SLCO5A1: variants seen among roughly 807,000 people sequenced by gnomAD.
SLCO5A1 encodes organic anion transporter polypeptide-related protein 4.
In SLCO5A1, 39 loss-of-function variants were observed where a neutral mutation model predicts 65.1. That is an observed-to-expected ratio of 0.60 (90% CI 0.46 to 0.78). The LOEUF is 0.78. SLCO5A1 is among the 30% of genes least tolerant of loss of function. The probability of loss-of-function intolerance (pLI) is 0.00; values close to 1 mark genes in which losing one functional copy is unlikely to be tolerated. For synonymous variants in SLCO5A1, 438 were observed against 415.7 expected, an observed-to-expected ratio of 1.05 and a Z score of -0.65; for missense variants, 1,029 against 1,069.4, an observed-to-expected ratio of 0.96 and a Z score of 0.53.
chr8:69,827,678 C>G (rs367593839), intron 2 of SLCO5A1, among the ~76,000 whole-genome samples: 1 of 151,762 alleles, frequency 6.6e-6, no homozygotes, highest in Non-Finnish European at 1.5e-5. Flanking sequence ...GGGTGGGTGG[C>G]AAAAAATGTA....
intron 2 of SLCO5A1, among the ~76,000 whole-genome samples, chr8:69,815,534 T>C (rs913027209): frequency 1.3e-4 from 20 of 152,130 alleles, no homozygotes; most frequent in Non-Finnish European, 1.3e-4. Context: ...AGTTACTTCA[T>C]TGATGAGCTC....
intron 4 of SLCO5A1, among the ~76,000 whole-genome samples, chr8:69,747,271 A>C (rs1162679802): frequency 2.0e-5 from 3 of 152,158 alleles, no homozygotes; most frequent in Admixed American, 6.5e-5. Flanking sequence ...CCATGGGTGC[A>C]AATTATTGAA....
chr8:69,703,985 G>A (rs371998683), intron 6 of SLCO5A1, among the ~76,000 whole-genome samples: 12 of 152,262 alleles, frequency 7.9e-5, no homozygotes, highest in African/African-American at 2.4e-4. Flanking sequence ...GTTCAGGGTC[G>A]ACAAGTTGGT....
At chr8:69,776,760 G>A in intron 2 of SLCO5A1, among the ~76,000 whole-genome samples, 1 of 151,956 alleles carries the variant, frequency 6.6e-6, no homozygotes, top group Non-Finnish European at 1.5e-5. Flanking sequence ...TTCTGAACAG[G>A]CACTTTACCA....
At chr8:69,733,945 C>T (rs1367010213) in intron 5 of SLCO5A1, among the ~76,000 whole-genome samples, 1 of 152,192 alleles carries the variant, frequency 6.6e-6, no homozygotes, top group East Asian at 1.9e-4. Flanking sequence ...TAATATTTAA[C>T]TACTTTCAAG....
intron 4 of SLCO5A1, among the ~76,000 whole-genome samples, chr8:69,751,933 A>G (rs1416141318): frequency 6.6e-6 from 1 of 152,064 alleles, no homozygotes; most frequent in African/African-American, 2.4e-5. Flanking sequence ...TTTCAAATAT[A>G]AAGTAAAGAC....
chr8:69,832,351 G>A lies in SLCO5A1; in HGVS notation c.323C>T (p.Ser108Phe). 1 of 1,614,058 alleles carries A rather than the reference G, an allele frequency of 6.2e-7. No individual in the cohort carries two copies. The highest frequency in any genetic ancestry group is 8.5e-7 in the Non-Finnish European group (1 of 1,179,982). ...CTCCTGGAGCATGGCCAAGGCGGAG[G>A]ACACCGAGAAGGTTTTGCTGAGGTC... is the stretch of plus-strand genomic sequence containing the variant. ...RVDLSKTFSV[S>F]SALAMLQERR... The change falls in exon 2 of 10, where the codon TCC becomes TTC. Residue 108 changes from serine (S) to phenylalanine (F), a missense_variant. This residue lies in a region of SLCO5A1 where 647 missense variants were observed against 647.5 expected (regional missense o/e 1.00). Coordinates refer to ENST00000260126, the MANE Select transcript of SLCO5A1 (RefSeq NM_030958.3). The surrounding 1 kb of genome is among the most constrained non-coding windows in gnomAD (Gnocchi z 4.5).
chr8:69,740,467 CAGAT>C (rs1347586265), intron 4 of SLCO5A1, among the ~76,000 whole-genome samples: 7 of 152,104 alleles, frequency 4.6e-5, no homozygotes, highest in African/African-American at 1.4e-4. Context: ...TTCAGATAGA[CAGAT>C]AGATAAATAG....
chr8:69,832,618 G>T lies in SLCO5A1; in HGVS notation c.56C>A (p.Ala19Asp). 1 of 1,610,662 alleles carries T rather than the reference G, an allele frequency of 6.2e-7. No individual in the cohort carries two copies. The highest frequency in any genetic ancestry group is 8.5e-7 in the Non-Finnish European group (1 of 1,179,942). Residue 19 changes from alanine (A) to aspartate (D), a missense_variant, in exon 2 of 10, where the codon GCC (alanine) becomes GAC (aspartate). Ala to Asp is a moderately radical substitution (Grantham distance 126). Transcript: ENST00000260126. The surrounding 1 kb of genome is among the most constrained non-coding windows in gnomAD (Gnocchi z 4.5). Reference sequence around the variant, plus strand: ...CCTCTCTTGGACAGCTTCTGCAGTGGCCGGCGCCTCCAGCTGCTCTCCCGC... The same window carrying T: ...CCTCTCTTGGACAGCTTCTGCAGTGTCCGGCGCCTCCAGCTGCTCTCCCGC... Reference protein sequence around the residue: ...PGAGEQLEAPATAEAVQERCE... With the variant: ...PGAGEQLEAPDTAEAVQERCE...
Position 69,831,774 on chromosome 8 carries a change from C to G in SLCO5A1, c.900G>C (p.Leu300Phe). ...AGAACAGGAAAGTCTTACCTAGGTA[C>G]AAGGAGGAGTTTTCTTTCTTGACAT... The part of the protein sequence containing the change: ...DDNVKKENSS[L>F]YLAIMYVMGA... Residue 300 changes from leucine (L) to phenylalanine (F), a missense_variant, in exon 2 of 10, where the codon TTG becomes TTC. Leu to Phe is a conservative substitution (Grantham distance 22). This residue lies in a region of SLCO5A1 where 647 missense variants were observed against 647.5 expected (regional missense o/e 1.00). Coordinates refer to ENST00000260126, the MANE Select transcript of SLCO5A1 (RefSeq NM_030958.3). 1.2e-6 allele frequency: 2 copies of G among 1,613,732 alleles called. No individual in the cohort carries two copies. The highest frequency in any genetic ancestry group is 1.7e-5 in the Admixed American group (1 of 59,922).
Position 69,832,305 on chromosome 8 carries a change from G to T in SLCO5A1, c.369C>A (p.Val123=). The T allele has an allele frequency of 1.2e-6, 2 of 1,614,222 alleles. No homozygotes were observed. The highest frequency in any genetic ancestry group is 1.1e-5 in the South Asian group (1 of 91,086). Residue 123 remains valine (V), a synonymous_variant, in exon 2 of 10, where the codon GTC becomes GTA. Coordinates refer to ENST00000260126, the MANE Select transcript of SLCO5A1 (RefSeq NM_030958.3). This position sits in a 1 kb window ranked among gnomAD's most constrained non-coding sequence, Gnocchi z 4.5. ...MLQERRCLYV[V]LTDSRCFLVC... ...CCAGGAAGCAACGGGAATCCGTGAG[G>T]ACCACGTAGAGGCACCTTCTCTCCT...
intron 8 of SLCO5A1, 137 bp from the exon 9 acceptor site, chr8:69,676,810 C>A: frequency 1.7e-6 from 1 of 598,438 alleles, no homozygotes; most frequent in Non-Finnish European, 2.9e-6. Context: ...TATTTACTAA[C>A]AATAGCCACA....
chr8:69,803,494 C>T (rs1019391020), intron 2 of SLCO5A1, among the ~76,000 whole-genome samples: 2 of 152,060 alleles, frequency 1.3e-5, no homozygotes, highest in African/African-American at 4.8e-5. Flanking sequence ...AGGAGAATCG[C>T]TTGTGAGCTG....
chr8:69,793,777 CTAAATAAATAAATAAATAAA>C (rs71556785), intron 2 of SLCO5A1, among the ~76,000 whole-genome samples: 13 of 141,798 alleles, frequency 9.2e-5, no homozygotes, highest in Admixed American at 2.1e-4. Flanking sequence ...GACTCTGTCT[CTAAATAAATAAATAAATAAA>C]TAAATAAATA....
chr8:69,830,000 A>C (rs1821091080), intron 2 of SLCO5A1, among the ~76,000 whole-genome samples: 1 of 152,192 alleles, frequency 6.6e-6, no homozygotes, highest in South Asian at 2.1e-4. Flanking sequence ...TATTGTTTCA[A>C]CTTTTCTGTA....
chr8:69,717,405 A>T lies in SLCO5A1; in HGVS notation c.1424-12176T>A, dbSNP rs185748783. Among the ~76,000 whole-genome samples, 188 of 152,346 alleles carry T rather than the reference A, an allele frequency of 1.2e-3. 1 individual carries two copies. The highest frequency in any genetic ancestry group is 4.4e-3 in the African/African-American group (185 of 41,584). On this transcript the variant is annotated intron_variant, in intron 5 of 9. Coordinates refer to ENST00000260126, the MANE Select transcript of SLCO5A1 (RefSeq NM_030958.3). The stretch of plus-strand genomic sequence containing the variant: ...GCACTCTTGTCAAAAATCAGTTGAC[A>T]ATAAATATATAAGGTTATTTCTGGG...
chr8:69,819,728 G>A (rs7820300), intron 2 of SLCO5A1, among the ~76,000 whole-genome samples: 79,172 of 152,028 alleles, frequency 0.52, 20,805 homozygotes, highest in African/African-American at 0.59. Flanking sequence ...TTGGGAGGCC[G>A]AGGTGGGCAG....
At chr8:69,819,690 A>G (rs1030728669) in intron 2 of SLCO5A1, among the ~76,000 whole-genome samples, 1 of 152,216 alleles carries the variant, frequency 6.6e-6, no homozygotes, top group African/African-American at 2.4e-5. Flanking sequence ...GGCCAGGCGC[A>G]GTGGCTCACG....
intron 5 of SLCO5A1, among the ~76,000 whole-genome samples, chr8:69,734,529 G>C (rs747909543): frequency 6.6e-6 from 1 of 152,158 alleles, no homozygotes; most frequent in Non-Finnish European, 1.5e-5. Flanking sequence ...CCTCTTAGAT[G>C]TGTAAGCAAC....
Sources: gnomAD v4.1 joint callset for allele counts (sites outside exome capture counted in the v4.1 genomes callset) on GRCh38, gnomAD v4.1.1 for gene constraint, gnomAD v4.1.1 regional missense constraint, Gnocchi (gnomAD v3.1) non-coding constraint, MANE v1.5 for transcripts, NCBI Gene and HGNC (gene_info 2026-07-23, HGNC 2026-07-21) for gene names.